Variants in NAT10 observed in about 807,000 individuals in gnomAD.
NAT10 encodes the protein N-acetyltransferase 10, also known as RNA cytidine acetyltransferase.
A neutral mutation model predicts 132.2 loss-of-function variants in NAT10; 109 were observed. The observed-to-expected ratio is 0.82, with a 90% CI of 0.71 to 0.97. The LOEUF is 0.97. Among genes scored for constraint, NAT10 ranks in the 50% least tolerant of loss-of-function variants. NAT10 has a pLI of 0.00. For missense variants in NAT10, 1,184 were observed against 1,263.4 expected (o/e 0.94, Z 0.95); for synonymous variants, 479 against 478.0 (o/e 1.00, Z -0.03).
At chr11:34,134,762 A>G (rs962889033) in intron 18 of NAT10, among the ~76,000 whole-genome samples, 176 bp downstream of exon 18, 2 of 152,260 alleles carry the variant, frequency 1.3e-5, no homozygotes, top group East Asian at 3.9e-4. Flanking sequence ...ATGATGGCAT[A>G]TGCTCACTCT....
At chr11:34,118,862 A>C (rs1018529634) in intron 8 of NAT10, among the ~76,000 whole-genome samples, 1 of 152,138 alleles carries the variant, frequency 6.6e-6, no homozygotes, top group African/African-American at 2.4e-5. Flanking sequence ...CTCCTGCCTC[A>C]ACCTCCTAAG....
At chr11:34,127,432 T>A (rs199830201) in intron 11 of NAT10, 31 bp from the exon 12 acceptor site, 1 of 1,579,872 alleles carries the variant, frequency 6.3e-7, no homozygotes, top group African/African-American at 1.4e-5. Context: ...GAGTTCACTA[T>A]GCTAATAATC....
rs1434267446 is a variant in NAT10, at chr11:34,118,270, G to T, written c.648G>T (p.Met216Ile). The change falls in exon 7 of 29, where the codon ATG becomes ATT. Residue 216 changes from methionine (M) to isoleucine (I), a missense_variant. By Grantham distance (10) the Met-to-Ile change is conservative. Coordinates refer to ENST00000257829, the MANE Select transcript of NAT10 (RefSeq NM_024662.3). ...ILPISSHVAT[M>I]EALPPQTPDE... is the part of the protein sequence containing the mutation. ...CCATCTCCTCCCACGTTGCCACCATGGAGGCCCTGCCTCCCCAGACTCCGG... is the reference window on the plus strand; with the variant it reads ...CCATCTCCTCCCACGTTGCCACCATTGAGGCCCTGCCTCCCCAGACTCCGG... 1 of 1,614,152 alleles carries T rather than the reference G, an allele frequency of 6.2e-7. No individual in the cohort carries two copies. The highest frequency in any genetic ancestry group is 8.5e-7 in the Non-Finnish European group (1 of 1,180,012).
Position 34,113,763 on chromosome 11 carries a change from A to G in NAT10, c.420A>G (p.Thr140=). The part of the protein sequence containing the change: ...TPNLLARTVE[T]VEGGGLVVIL... The stretch of plus-strand genomic sequence containing the variant: ...ACTTGCTGGCCAGGACTGTAGAAAC[A>G]GTGGAAGGTGGTGGGCTAGTGGTCA... The change falls in exon 5 of 29, where the codon ACA becomes ACG. Residue 140 remains threonine, a synonymous_variant. Transcript: ENST00000257829. 6.2e-7 allele frequency: 1 copy of G among 1,613,992 alleles called. No individual in the cohort carries two copies. The highest frequency in any genetic ancestry group is 1.1e-5 in the South Asian group (1 of 91,080).
At chr11:34,111,988 G>C in intron 3 of NAT10, 64 bp from the exon 4 acceptor site, 4 of 1,587,204 alleles carry the variant, frequency 2.5e-6, no homozygotes, top group Non-Finnish European at 1.7e-6. Context: ...CCTTTCCCCT[G>C]GTTCCAGCTC....
chr11:34,135,278 C>G lies in NAT10; in HGVS notation c.2015C>G (p.Thr672Ser). ...CTTGAGACACCACAGGAAATTCACACCGTAAGCAGCGAGGTAAGCATCTTT... is the reference window on the plus strand; with the variant it reads ...CTTGAGACACCACAGGAAATTCACAGCGTAAGCAGCGAGGTAAGCATCTTT... Reference protein sequence around the residue: ...KVLETPQEIHTVSSEAVSLLE... With the variant: ...KVLETPQEIHSVSSEAVSLLE... The change falls in exon 19 of 29, where the codon ACC (threonine) becomes AGC (serine). Residue 672 changes from threonine (T) to serine (S), a missense_variant. Coordinates refer to ENST00000257829, the MANE Select transcript of NAT10 (RefSeq NM_024662.3). 1 of 1,613,914 alleles carries G rather than the reference C, an allele frequency of 6.2e-7. No individual in the cohort carries two copies. The highest frequency in any genetic ancestry group is 8.5e-7 in the Non-Finnish European group (1 of 1,179,790).
chr11:34,124,546 C>G, intron 11 of NAT10, 146 bp downstream of exon 11: 1 of 483,840 alleles, frequency 2.1e-6, no homozygotes, highest in South Asian at 4.9e-5. Flanking sequence ...TAAACCTGTT[C>G]CAGATTTTCA....
At chr11:34,130,769 G>A in intron 12 of NAT10, 44 bp from the exon 13 acceptor site, 1 of 1,611,442 alleles carries the variant, frequency 6.2e-7, no homozygotes, top group South Asian at 1.1e-5. Context: ...CCTAGACAGT[G>A]GATTTGGGAC....
Position 34,112,110 on chromosome 11 carries a change from A to T in NAT10, c.259A>T (p.Ile87Leu). The T allele has an allele frequency of 6.2e-7, 1 of 1,614,242 alleles. No homozygotes were observed. The stretch of plus-strand genomic sequence containing the variant: ...GAAAATAAAGAATGGAACACTGAAC[A>T]TAAAGCAGGACGACCCCTTTGAACT... Reference protein sequence around the residue: ...QKKIKNGTLNIKQDDPFELFI... With the variant: ...QKKIKNGTLNLKQDDPFELFI... Residue 87 changes from isoleucine to leucine, a missense_variant, in exon 4 of 29, where the codon ATA becomes TTA. Ile to Leu is a conservative substitution (Grantham distance 5). Transcript: ENST00000257829.
Position 34,139,165 on chromosome 11 carries a change from G to T in NAT10, c.2212-26G>T, listed in dbSNP as rs374059548. 1.0e-4 allele frequency: 164 copies of T among 1,599,016 alleles called. 1 individual carries two copies. The South Asian group carries it at 1.6e-3, about 16-fold the overall frequency. Reference sequence around the variant, plus strand: ...TATTCAAAAAAAGGGGGTTCTTGGTGCCAGTTAAACCTCTGTGTTGCCCAG... The same window carrying T: ...TATTCAAAAAAAGGGGGTTCTTGGTTCCAGTTAAACCTCTGTGTTGCCCAG... On this transcript the variant is annotated intron_variant, in intron 21 of 28. Transcript: ENST00000257829.
chr11:34,111,444 T>C (rs1851693847), intron 3 of NAT10, among the ~76,000 whole-genome samples: 1 of 152,196 alleles, frequency 6.6e-6, no homozygotes, highest in South Asian at 2.1e-4. Flanking sequence ...TCTCTTTTGG[T>C]AAAGGAAAGG....
intron 1 of NAT10, among the ~76,000 whole-genome samples, chr11:34,106,361 C>CTG (rs1851594934): frequency 6.6e-6 from 1 of 152,042 alleles, no homozygotes; most frequent in South Asian, 2.1e-4. Flanking sequence ...CCTTCCATGA[C>CTG]AGCTTCAGCC....
Position 34,113,747 on chromosome 11 carries a change from C to G in NAT10, c.404C>G (p.Ala135Gly). ...GAAGCCTTAACTCCAAACTTGCTGG[C>G]CAGGACTGTAGAAACAGTGGAAGGT... The part of the protein sequence containing the change: ...DFEALTPNLL[A>G]RTVETVEGGG... Residue 135 changes from alanine (A) to glycine (G), a missense_variant, in exon 5 of 29, where the codon GCC (alanine) becomes GGC (glycine). Ala to Gly is a moderately conservative substitution (Grantham distance 60). Coordinates refer to ENST00000257829, the MANE Select transcript of NAT10 (RefSeq NM_024662.3). The G allele has an allele frequency of 6.2e-7, 1 of 1,613,822 alleles. No individual in the cohort carries two copies. The highest frequency in any genetic ancestry group is 8.5e-7 in the Non-Finnish European group (1 of 1,179,932).
chr11:34,139,276 C>T lies in NAT10; in HGVS notation c.2297C>T (p.Ala766Val), dbSNP rs553338131. ...GCTGACCAGGGAGGCTGGCTTGCAG[C>T]CTTCTGGAAAGGTGACTGAGGAGTA... ...DEADQGGWLAAFWKDFRRRFL... is the reference protein window; with the variant it reads ...DEADQGGWLAVFWKDFRRRFL... Residue 766 changes from alanine to valine, a missense_variant, in exon 22 of 29, where the codon GCC becomes GTC. Ala to Val is a moderately conservative substitution (Grantham distance 64, BLOSUM62 0). Transcript: ENST00000257829. 1 of 1,614,068 alleles carries T rather than the reference C, an allele frequency of 6.2e-7. No individual in the cohort carries two copies. Among genetic ancestry groups the T allele is most frequent in the African/African-American group, 1.3e-5 (1 of 75,024 alleles).
intron 23 of NAT10, 51 bp from the exon 24 acceptor site, chr11:34,140,349 C>A: frequency 6.4e-7 from 1 of 1,565,838 alleles, no homozygotes; most frequent in Non-Finnish European, 8.7e-7. Flanking sequence ...TGTGCTATCT[C>A]ATGAGGGCGC....
intron 10 of NAT10, 36 bp from the exon 11 acceptor site, chr11:34,124,266 T>A: frequency 7.1e-7 from 1 of 1,407,260 alleles, no homozygotes; most frequent in South Asian, 1.2e-5. Flanking sequence ...CTGAAACTTG[T>A]TTCTAAAGTT....
chr11:34,111,943 A>T, intron 3 of NAT10, 109 bp from the exon 4 acceptor site: 1 of 1,319,916 alleles, frequency 7.6e-7, no homozygotes, highest in Non-Finnish European at 1.0e-6. Flanking sequence ...CAAGTTCCCT[A>T]CTAGCTCTGA....
chr11:34,117,362 T>C (rs1851799659), intron 6 of NAT10, among the ~76,000 whole-genome samples: 1 of 152,164 alleles, frequency 6.6e-6, no homozygotes, highest in Non-Finnish European at 1.5e-5. Context: ...TCGTAATGAC[T>C]TTGGGAGGGT....
chr11:34,120,491 C>T (rs1851874310), intron 8 of NAT10, among the ~76,000 whole-genome samples: 1 of 152,212 alleles, frequency 6.6e-6, no homozygotes, highest in Non-Finnish European at 1.5e-5. Context: ...GCAAGCATGA[C>T]AACTTCTCAG....
Sources: allele counts gnomAD v4.1 joint callset (sites outside exome capture counted in the v4.1 genomes callset), GRCh38; gene constraint gnomAD v4.1.1; transcripts MANE v1.5; gene names NCBI Gene and HGNC (gene_info 2026-07-23, HGNC 2026-07-21).